LRRC7: variants seen among roughly 807,000 people sequenced by gnomAD.
LRRC7 encodes the protein leucine rich repeat containing 7, also known as leucine-rich repeat-containing protein 7.
LRRC7 carries 23 observed loss-of-function variants against 175.7 expected under a neutral mutation model. The observed-to-expected ratio is 0.13, with a 90% CI of 0.09 to 0.19. The LOEUF is 0.19. LRRC7 is among the 10% of genes least tolerant of loss of function. The pLI is 1.00. For missense variants in LRRC7, 1,354 were observed against 1,904.7 expected (o/e 0.71, Z 5.38); for synonymous variants, 685 against 680.9 (o/e 1.01, Z -0.09).
chr1:70,044,763 T>G (rs1660198675), intron 22 of LRRC7, among the ~76,000 whole-genome samples: 1 of 152,188 alleles, frequency 6.6e-6, no homozygotes, highest in African/African-American at 2.4e-5. Flanking sequence ...AATTTCTGTT[T>G]GTTTAATTCA....
rs530131511 is a variant in LRRC7, at chr1:69,754,710, G to A, written c.101-5481G>A. ...GCTCCTGACAATGGTAATGTGCTAC[G>A]GACCTCTCAAGAGCATTATGCCAAT... On this transcript the variant is annotated intron_variant, in intron 2 of 26. Coordinates refer to ENST00000651989, the MANE Select transcript of LRRC7 (RefSeq NM_001370785.2). Among the ~76,000 whole-genome samples the A allele has an allele frequency of 7.9e-5, 12 of 152,058 alleles. No individual in the cohort carries two copies. In the South Asian group the frequency reaches 1.0e-3, roughly 13 times the overall value.
At chr1:69,927,924 C>T (rs1319553722) in intron 7 of LRRC7, among the ~76,000 whole-genome samples, 2 of 152,002 alleles carry the variant, frequency 1.3e-5, no homozygotes, top group Non-Finnish European at 2.9e-5. Context: ...CTGTTTTTTC[C>T]CCATCTTTGT....
chr1:70,057,656 G>A (rs560923388), intron 23 of LRRC7, among the ~76,000 whole-genome samples: 11 of 152,162 alleles, frequency 7.2e-5, no homozygotes, highest in African/African-American at 2.6e-4. Context: ...ATGCTGTAGG[G>A]ATTTGGAGGG....
intron 23 of LRRC7, among the ~76,000 whole-genome samples, chr1:70,071,441 G>A (rs952616894): frequency 6.6e-6 from 1 of 152,030 alleles, no homozygotes; most frequent in Non-Finnish European, 1.5e-5. Flanking sequence ...CTACCTGGAA[G>A]CAGGTGTCCC....
At chr1:69,600,002 C>A (rs1037129552) in intron 1 of LRRC7, among the ~76,000 whole-genome samples, 1 of 152,222 alleles carries the variant, frequency 6.6e-6, no homozygotes, top group East Asian at 1.9e-4. Context: ...TATTTTGAGA[C>A]ACAGATTAGA....
intron 1 of LRRC7, among the ~76,000 whole-genome samples, chr1:69,616,966 C>A (rs1005177823): frequency 1.3e-5 from 2 of 152,048 alleles, no homozygotes; most frequent in African/African-American, 4.8e-5. Flanking sequence ...AACTTTATAT[C>A]ACTAGATAAA....
chr1:70,143,749 A>AAAATC lies in LRRC7; in HGVS notation c.*21869_*21873dup, dbSNP rs1667182918. 6.6e-6 allele frequency: 1 copy of AAAATC among 152,194 alleles called. No individual in the cohort carries two copies. The highest frequency in any genetic ancestry group is 6.5e-5 in the Admixed American group (1 of 15,272). 9.4% of individuals were successfully genotyped at this position (152,194 alleles called of 1,614,324 possible). ...AATACAATTTTACCATTTTATAAAA[A>AAAATC]AAATCAAATCACAACATGTTTAACT... On this transcript the variant is annotated 3_prime_UTR_variant, in exon 27 of 27. Coordinates refer to ENST00000651989, the MANE Select transcript of LRRC7 (RefSeq NM_001370785.2).
chr1:69,888,508 C>T (rs1261061688), intron 7 of LRRC7, among the ~76,000 whole-genome samples: 1 of 152,130 alleles, frequency 6.6e-6, no homozygotes, highest in Non-Finnish European at 1.5e-5. Flanking sequence ...TGACCTGCAC[C>T]CACTGTCTGG....
At chr1:70,112,860 G>T (rs185208983) in intron 26 of LRRC7, among the ~76,000 whole-genome samples, 6 of 152,138 alleles carry the variant, frequency 3.9e-5, no homozygotes, top group African/African-American at 1.4e-4. Flanking sequence ...CAGGAGCAGG[G>T]GTAAGAGGTT....
chr1:69,791,912 G>A lies in LRRC7; in HGVS notation c.304-131G>A, dbSNP rs568736493. On this transcript the variant is annotated intron_variant, in intron 3 of 26. Coordinates refer to ENST00000651989, the MANE Select transcript of LRRC7 (RefSeq NM_001370785.2). The stretch of plus-strand genomic sequence containing the variant: ...AAACAATTGAGAAGATGAGTATGGA[G>A]GGAAGTGAGGCTTTTATAACTGGCT... 6.2e-4 allele frequency: 369 copies of A among 590,738 alleles called. 6 individuals are homozygous for A. In the South Asian group the frequency reaches 7.8e-3, roughly 12 times the overall value. 36.6% of individuals were successfully genotyped at this position (590,738 alleles called of 1,614,324 possible). A position where few individuals can be genotyped will look rare whatever the true frequency, so the allele number is the denominator to read the frequency against.
chr1:69,683,429 A>G (rs538303091), intron 2 of LRRC7, among the ~76,000 whole-genome samples: 1 of 152,300 alleles, frequency 6.6e-6, no homozygotes, highest in East Asian at 1.9e-4. Context: ...GACAATAGCC[A>G]TACTGTGGAT....
chr1:69,593,233 G>A (rs931573694), intron 1 of LRRC7, among the ~76,000 whole-genome samples: 6 of 151,926 alleles, frequency 3.9e-5, no homozygotes, highest in African/African-American at 7.3e-5. Flanking sequence ...CTCATTATTA[G>A]AATTTAAGAA....
At chr1:69,941,240 T>G (rs980312521) in intron 8 of LRRC7, among the ~76,000 whole-genome samples, 1 of 152,058 alleles carries the variant, frequency 6.6e-6, no homozygotes. Context: ...ATTTTAAGGA[T>G]TTAGGATTTT....
intron 2 of LRRC7, among the ~76,000 whole-genome samples, chr1:69,684,828 G>A (rs565876259): frequency 3.9e-5 from 6 of 152,164 alleles, no homozygotes; most frequent in African/African-American, 7.2e-5. Flanking sequence ...GAGAGCCACC[G>A]ATATCTTATT....
At chr1:69,755,453 TCAG>T (rs929749989) in intron 2 of LRRC7, among the ~76,000 whole-genome samples, 2 of 149,802 alleles carry the variant, frequency 1.3e-5, no homozygotes, top group Non-Finnish European at 3.0e-5. Flanking sequence ...AAAGGAGACA[TCAG>T]CAGATAATAA....
At chr1:69,702,392 A>G (rs1021517169) in intron 2 of LRRC7, among the ~76,000 whole-genome samples, 3 of 152,198 alleles carry the variant, frequency 2.0e-5, no homozygotes, top group African/African-American at 7.2e-5. Context: ...TTTTTGTGGC[A>G]TCTTGTTATT....
intron 1 of LRRC7, among the ~76,000 whole-genome samples, chr1:69,631,840 G>A (rs937752485): frequency 2.6e-5 from 4 of 152,028 alleles, no homozygotes; most frequent in African/African-American, 9.7e-5. Flanking sequence ...CCTGCTCAGT[G>A]TGTTCAGAGT....
At chr1:70,070,717 G>A (rs1302545427) in intron 23 of LRRC7, among the ~76,000 whole-genome samples, 1 of 152,158 alleles carries the variant, frequency 6.6e-6, no homozygotes, top group African/African-American at 2.4e-5. Context: ...GCTAAGTGAG[G>A]ATGGAAGTTT....
chr1:69,767,950 C>A (rs1231443761), intron 3 of LRRC7, among the ~76,000 whole-genome samples: 1 of 151,864 alleles, frequency 6.6e-6, no homozygotes, highest in Non-Finnish European at 1.5e-5. Flanking sequence ...GAAAAAAAAA[C>A]AGACATTAAG....
Sources: gnomAD v4.1 joint callset for allele counts (sites outside exome capture counted in the v4.1 genomes callset) on GRCh38, gnomAD v4.1.1 for gene constraint, MANE v1.5 for transcripts, NCBI Gene and HGNC (gene_info 2026-07-23, HGNC 2026-07-21) for gene names.